The following AVEN variants were observed in gnomAD, a reference collection of about 807,000 sequenced individuals.
AVEN encodes cell death regulator Aven.
Under a neutral mutation model 38.1 loss-of-function variants are expected in AVEN, and 41 were observed. That is an observed-to-expected ratio of 1.08 (90% CI 0.84 to 1.40). AVEN has a LOEUF of 1.40. Among genes scored for constraint, AVEN ranks in the 40% most tolerant of loss-of-function variants. The pLI, the probability that AVEN is intolerant of heterozygous loss-of-function variation, is 0.00. For missense variants in AVEN, 605 were observed against 438.8 expected, an observed-to-expected ratio of 1.38 and a Z score of -3.38; for synonymous variants, 206 against 171.8, an observed-to-expected ratio of 1.20 and a Z score of -1.56.
At chr15:33,853,570 G>A in the AVEN span, 3 of 1,613,840 alleles carry the variant, frequency 1.9e-6, no homozygotes, top group Non-Finnish European at 2.5e-6. Context: ...CAACAAGTAT[G>A]GAGATCTCTA....
chr15:34,012,144 A>G (rs1597348144), intron 1 of AVEN, among the ~76,000 whole-genome samples: 1 of 152,248 alleles, frequency 6.6e-6, no homozygotes, highest in Non-Finnish European at 1.5e-5. Context: ...AAAGTCTATG[A>G]GCTAGATTAC....
At chr15:33,988,230 C>T (rs913729613) in intron 2 of AVEN, among the ~76,000 whole-genome samples, 3 of 152,174 alleles carry the variant, frequency 2.0e-5, no homozygotes, top group Admixed American at 6.5e-5. Flanking sequence ...CAGTGATATA[C>T]AATAAACATA....
intron 5 of AVEN, among the ~76,000 whole-genome samples, chr15:34,053,319 A>ATATATATATATATAT (rs1555520677): frequency 1.2e-4 from 5 of 42,062 alleles, no homozygotes; most frequent in African/African-American, 4.0e-4. Flanking sequence ...AAAAAAAAAA[A>ATATATATATATATAT]ATATATATAT....
chr15:33,918,923 T>C (rs936517965), intron 2 of AVEN, among the ~76,000 whole-genome samples: 1 of 108,124 alleles, frequency 9.2e-6, no homozygotes, highest in South Asian at 2.8e-4. Context: ...TCTGCTTTTC[T>C]GTTTTTTTTT....
intron 2 of AVEN, among the ~76,000 whole-genome samples, chr15:33,886,491 G>C (rs996126638): frequency 6.6e-6 from 1 of 152,134 alleles, no homozygotes; most frequent in African/African-American, 2.4e-5. Flanking sequence ...TTTTAGTAGA[G>C]ATGGGGTTTC....
rs984368569 is a variant in AVEN at position 33,872,882 on chromosome 15, G to A, written c.517-1852C>T. 9.2e-5 allele frequency among the ~76,000 whole-genome samples: 14 copies of A among 152,074 alleles called. 1 individual carries two copies. In the South Asian group the frequency reaches 2.1e-3, roughly 23 times the overall value. ...AAGAGACCGACACCCCTGTGGTCATGGAGGCCAACATAGCTAGATCAGAGC... is the reference window on the plus strand; with the variant it reads ...AAGAGACCGACACCCCTGTGGTCATAGAGGCCAACATAGCTAGATCAGAGC... On this transcript the variant is annotated intron_variant, in intron 3 of 5. Transcript: ENST00000306730.
intron 2 of AVEN, among the ~76,000 whole-genome samples, chr15:33,922,449 T>C (rs992018530): frequency 2.0e-5 from 3 of 152,138 alleles, no homozygotes; most frequent in African/African-American, 7.2e-5. Flanking sequence ...TTTTCTCTTA[T>C]TTTTGAGACA....
At chr15:33,962,048 T>A (rs932423151) in intron 2 of AVEN, among the ~76,000 whole-genome samples, 1 of 152,086 alleles carries the variant, frequency 6.6e-6, no homozygotes, top group Non-Finnish European at 1.5e-5. Context: ...CACAGAAAGA[T>A]TGATTCATTA....
intron 2 of AVEN, among the ~76,000 whole-genome samples, chr15:33,894,611 A>G (rs1597203824): frequency 1.4e-5 from 2 of 145,242 alleles, no homozygotes; most frequent in East Asian, 4.1e-4. Context: ...GGAATTCAAG[A>G]CTAACCTGGG....
At chr15:33,919,345 T>C (rs1893296662) in intron 2 of AVEN, among the ~76,000 whole-genome samples, 1 of 152,208 alleles carries the variant, frequency 6.6e-6, no homozygotes. Flanking sequence ...AGTGATGTTA[T>C]ACAGCAAAGG....
chr15:33,950,737 G>A (rs1894708293), intron 2 of AVEN, among the ~76,000 whole-genome samples: 3 of 152,182 alleles, frequency 2.0e-5, no homozygotes, highest in African/African-American at 7.2e-5. Context: ...TGGGTTCAGT[G>A]GCTCACACCT....
rs201845444 is a variant in AVEN at position 33,876,007 on chromosome 15, A to G, written c.446-12T>C. 48 of 615,088 alleles carry G rather than the reference A, an allele frequency of 7.8e-5. No individual in the cohort carries two copies. Among genetic ancestry groups the G allele is most frequent in the Admixed American group, 2.2e-4 (6 of 27,654 alleles). 38.1% of individuals were successfully genotyped at this position (615,088 alleles called of 1,614,324 possible). A position where few individuals can be genotyped will look rare whatever the true frequency, so the allele number is the denominator to read the frequency against. On this transcript the variant is annotated splice_polypyrimidine_tract_variant and intron_variant, in intron 2 of 5. Transcript: ENST00000306730. ...TGAGAATGAGTCCCCTAGGAATAGG[A>G]AAAAAAAAAAAATTTATGCAAAAGC...
chr15:33,860,653 T>C, intron 11 of AVEN: 2 of 1,590,098 alleles, frequency 1.3e-6, no homozygotes, highest in Non-Finnish European at 1.7e-6. Context: ...TACGAGAAGA[T>C]ATGGAGGTAA....
chr15:33,875,146 G>C (rs1037152973), intron 3 of AVEN, among the ~76,000 whole-genome samples: 2 of 152,220 alleles, frequency 1.3e-5, no homozygotes, highest in Non-Finnish European at 2.9e-5. Flanking sequence ...CACATACGCT[G>C]ATGTGGGAGC....
In AVEN at chr15:33,866,290, TCAGCAG is replaced by T; in HGVS notation, c.*317_*322del. The T allele has an allele frequency of 3.5e-6, 1 of 286,480 alleles. No individual in the cohort carries two copies. Among genetic ancestry groups the T allele is most frequent in the Non-Finnish European group, 6.5e-6 (1 of 153,794 alleles). 17.7% of individuals were successfully genotyped at this position (286,480 alleles called of 1,614,324 possible). A position where few individuals can be genotyped will look rare whatever the true frequency, so the allele number is the denominator to read the frequency against. The stretch of plus-strand genomic sequence containing the variant: ...GCCTTGTTTGCATCTATTCTCTTAA[TCAGCAG>T]CAGCATCTGCTATGCTGTAAACACT... On this transcript the variant is annotated 3_prime_UTR_variant, in exon 6 of 6. Transcript: ENST00000306730.
intron 2 of AVEN, among the ~76,000 whole-genome samples, chr15:33,912,731 C>A (rs1340031504): frequency 2.6e-5 from 4 of 152,174 alleles, no homozygotes; most frequent in Non-Finnish European, 5.9e-5. Context: ...ATATGACACT[C>A]ATGCCCATTA....
intron 1 of AVEN, among the ~76,000 whole-genome samples, chr15:34,027,423 G>A (rs1260430873): frequency 2.0e-5 from 3 of 152,042 alleles, no homozygotes; most frequent in Non-Finnish European, 4.4e-5. Context: ...CAGCTACACA[G>A]GAGGCTGAGG....
At chr15:33,941,754 A>G (rs975984131) in intron 2 of AVEN, among the ~76,000 whole-genome samples, 1 of 152,226 alleles carries the variant, frequency 6.6e-6, no homozygotes, top group South Asian at 2.1e-4. Context: ...CTTATGGGAC[A>G]ATAGTCTTAC....
intron 2 of AVEN, among the ~76,000 whole-genome samples, chr15:33,877,147 CCAAA>C (rs1433306522): frequency 2.0e-5 from 3 of 152,008 alleles, no homozygotes; most frequent in South Asian, 2.1e-4. Context: ...TCCTAAAAAG[CCAAA>C]CAGAGAAACT....
Sources: gnomAD v4.1 joint callset for allele counts (sites outside exome capture counted in the v4.1 genomes callset) on GRCh38, gnomAD v4.1.1 for gene constraint, MANE v1.5 for transcripts, NCBI Gene and HGNC (gene_info 2026-07-23, HGNC 2026-07-21) for gene names.